The following COL9A1 variants were observed in gnomAD, a reference collection of about 807,000 sequenced individuals.
The protein encoded by COL9A1 is collagen type IX alpha 1 chain, also known as collagen alpha-1(IX) chain.
A neutral mutation model predicts 142.6 loss-of-function variants in COL9A1; 104 were observed. The ratio of observed to expected loss-of-function variants is 0.73; its 90% CI spans 0.62 to 0.86. The LOEUF is 0.86. Among genes scored for constraint, COL9A1 ranks in the 40% least tolerant of loss-of-function variants. COL9A1 has a pLI of 0.00. For synonymous variants in COL9A1, 466 were observed against 396.0 expected (o/e 1.18, Z -2.10); for missense variants, 1,210 against 1,176.6 (o/e 1.03, Z -0.42).
At chr6:70,223,210 C>A (rs1479924572) in intron 37 of COL9A1, among the ~76,000 whole-genome samples, 2 of 152,124 alleles carry the variant, frequency 1.3e-5, no homozygotes, top group African/African-American at 2.4e-5. Flanking sequence ...TTGCCCTCAG[C>A]TTTCCTTGAT....
chr6:70,283,551 C>G (rs560437289), intron 6 of COL9A1, among the ~76,000 whole-genome samples, 186 bp downstream of exon 6: 1 of 152,294 alleles, frequency 6.6e-6, no homozygotes, highest in Non-Finnish European at 1.5e-5. Context: ...GGTTTCTACC[C>G]GCCAGGTCGA....
intron 37 of COL9A1, among the ~76,000 whole-genome samples, chr6:70,217,561 T>C (rs1768603568): frequency 6.6e-6 from 1 of 152,230 alleles, no homozygotes. Context: ...TTAATGTCAC[T>C]TGATTATTTT....
chr6:70,277,189 A>G (rs934867618), intron 10 of COL9A1, among the ~76,000 whole-genome samples: 1 of 152,164 alleles, frequency 6.6e-6, no homozygotes, highest in Admixed American at 6.5e-5. Context: ...TGTTATAAGA[A>G]AGAATAAAAT....
At chr6:70,226,043 A>G (rs1318140045) in intron 36 of COL9A1, 34 bp from the exon 37 acceptor site, 2 of 1,546,664 alleles carry the variant, frequency 1.3e-6, no homozygotes, top group Non-Finnish European at 1.8e-6. Context: ...ATTTTTCTAC[A>G]TATCTATAAA....
rs550014166 is a variant in COL9A1 at position 70,256,806 on chromosome 6, C to G, written c.1465G>C (p.Asp489His). Reference protein sequence around the residue: ...DKGEKGARGLDGEPGPQGLPG... With the variant: ...DKGEKGARGLHGEPGPQGLPG... ...AGACCCTGAGGCCCAGGTTCACCAT[C>G]TAAGCCCCGAGCACCCTGCAAAAAA... The change falls in exon 21 of 38, where the codon GAT (aspartate) becomes CAT (histidine). Residue 489 changes from aspartate to histidine, a missense_variant. Asp to His is a moderately conservative substitution (Grantham distance 81). Transcript: ENST00000357250. The G allele has an allele frequency of 1.3e-4, 207 of 1,613,536 alleles. 3 individuals are homozygous for G. In the South Asian group the frequency reaches 1.8e-3, roughly 14 times the overall value.
Position 70,234,746 on chromosome 6 carries a change from TG to T in COL9A1, c.2259+47del, listed in dbSNP as rs759552165. On this transcript the variant is annotated intron_variant, in intron 34 of 37. Transcript: ENST00000357250. Reference sequence around the variant, plus strand: ...GATGCCTAGAACAGCCCTGCTGCTGTGGGATGGAGTCTCCAAAGGGAAACCA... The same window carrying T: ...GATGCCTAGAACAGCCCTGCTGCTGTGGATGGAGTCTCCAAAGGGAAACCA... 1.9e-6 allele frequency: 3 copies of T among 1,613,324 alleles called. No homozygotes were observed. The South Asian group carries it at 3.3e-5, about 18-fold the overall frequency.
intron 5 of COL9A1, among the ~76,000 whole-genome samples, chr6:70,291,842 T>C (rs530567519): frequency 6.6e-6 from 1 of 152,264 alleles, no homozygotes; most frequent in South Asian, 2.1e-4. Context: ...ATAAGGTAGA[T>C]TAGAAATGTT....
chr6:70,283,191 C>T, intron 6 of COL9A1: 1 of 1,484,020 alleles, frequency 6.7e-7, no homozygotes, highest in Non-Finnish European at 8.9e-7. Flanking sequence ...CCAAAGCGTC[C>T]AGGCCCGGGA....
chr6:70,298,390 G>A (rs1399831394), intron 4 of COL9A1, among the ~76,000 whole-genome samples: 3 of 152,130 alleles, frequency 2.0e-5, no homozygotes, highest in African/African-American at 7.2e-5. Flanking sequence ...TGTTTACTTG[G>A]AATTCCACAT....
At chr6:70,263,444 G>A in intron 18 of COL9A1, 147 bp from the exon 19 acceptor site, 1 of 611,256 alleles carries the variant, frequency 1.6e-6, no homozygotes, top group South Asian at 2.8e-5. Flanking sequence ...TATATGGGTA[G>A]TCCAAATTAA....
chr6:70,280,317 C>T, intron 10 of COL9A1: 2 of 1,207,594 alleles, frequency 1.7e-6, no homozygotes, highest in Non-Finnish European at 2.1e-6. Flanking sequence ...TTCTTTTTCA[C>T]ATTCCTTGGG....
intron 28 of COL9A1, among the ~76,000 whole-genome samples, chr6:70,246,828 A>G (rs1342491170): frequency 2.0e-5 from 3 of 152,232 alleles, no homozygotes; most frequent in Non-Finnish European, 4.4e-5. Context: ...CACTGAGCCC[A>G]GTGGCCTGGT....
chr6:70,230,547 G>C (rs934296975), intron 36 of COL9A1, among the ~76,000 whole-genome samples: 1 of 152,084 alleles, frequency 6.6e-6, no homozygotes, highest in African/African-American at 2.4e-5. Context: ...CTTGACAAAC[G>C]AACTTAGTGC....
intron 37 of COL9A1, among the ~76,000 whole-genome samples, chr6:70,224,156 T>A (rs1769076179): frequency 6.6e-6 from 1 of 152,218 alleles, no homozygotes; most frequent in African/African-American, 2.4e-5. Context: ...TAATTTTGTT[T>A]GTAAGCGATC....
At chr6:70,219,743 T>G (rs1284756073) in intron 37 of COL9A1, among the ~76,000 whole-genome samples, 1 of 152,254 alleles carries the variant, frequency 6.6e-6, no homozygotes, top group African/African-American at 2.4e-5. Flanking sequence ...CCAGAACTTC[T>G]GATAATTTTC....
chr6:70,251,035 G>A (rs1380007622), intron 28 of COL9A1, among the ~76,000 whole-genome samples: 1 of 152,128 alleles, frequency 6.6e-6, no homozygotes, highest in Non-Finnish European at 1.5e-5. Flanking sequence ...GTATACGAAT[G>A]TTCATAGCAG....
chr6:70,240,251 C>T (rs988653630), intron 32 of COL9A1, among the ~76,000 whole-genome samples: 2 of 152,142 alleles, frequency 1.3e-5, no homozygotes, highest in East Asian at 3.9e-4. Flanking sequence ...AAAGAGATTA[C>T]CCTTGGTCAG....
At chr6:70,298,356 T>C (rs1348710390) in intron 4 of COL9A1, among the ~76,000 whole-genome samples, 1 of 152,200 alleles carries the variant, frequency 6.6e-6, no homozygotes, top group Non-Finnish European at 1.5e-5. Context: ...ATAGTCTAAG[T>C]ACTTTCCCAA....
At chr6:70,268,966 C>T in intron 16 of COL9A1, 106 bp from the exon 17 acceptor site, 2 of 848,600 alleles carry the variant, frequency 2.4e-6, no homozygotes, top group Non-Finnish European at 3.9e-6. Flanking sequence ...AGTTACAGAA[C>T]TCCATTGCAA....
Sources: gnomAD v4.1 joint callset for allele counts (sites outside exome capture counted in the v4.1 genomes callset) on GRCh38, gnomAD v4.1.1 for gene constraint, MANE v1.5 for transcripts, NCBI Gene and HGNC (gene_info 2026-07-23, HGNC 2026-07-21) for gene names.